Variants in TBX10 observed in about 807,000 individuals in gnomAD.
TBX10 encodes the protein T-box transcription factor 10, also known as T-box transcription factor TBX10.
Under a neutral mutation model 32.4 loss-of-function variants are expected in TBX10, and 26 were observed. That is an observed-to-expected ratio of 0.80 (90% confidence interval 0.59 to 1.11). TBX10 has a LOEUF of 1.11. TBX10 is among the 50% of genes most tolerant of loss of function. The probability of loss-of-function intolerance (pLI) is 0.00; values close to 1 mark genes in which losing one functional copy is unlikely to be tolerated. For synonymous variants in TBX10, 195 were observed against 203.1 expected (o/e 0.96, Z 0.34); for missense variants, 490 against 494.5 (o/e 0.99, Z 0.09).
At chr11:67,632,130 C>G (rs1551884) in intron 7 of TBX10, among the ~76,000 whole-genome samples, 188 bp downstream of exon 7, 42,023 of 152,144 alleles carry the variant, frequency 0.28, 6,288 homozygotes, top group Admixed American at 0.4. Context: ...CCTGGCACCC[C>G]CTGCCTGTGC....
intron 1 of TBX10, among the ~76,000 whole-genome samples, chr11:67,636,623 G>A (rs527999937): frequency 7.1e-4 from 108 of 151,704 alleles, no homozygotes; most frequent in African/African-American, 2.6e-3. Context: ...TCAGCCTCCC[G>A]AGTAGCTGGG....
upstream of TBX10, among the ~76,000 whole-genome samples, chr11:67,640,869 G>A (rs1855394835): frequency 6.6e-6 from 1 of 152,184 alleles, no homozygotes; most frequent in Non-Finnish European, 1.5e-5. Context: ...AATCCCTTGT[G>A]TCTCACATCT....
intron 4 of TBX10, 38 bp from the exon 5 acceptor site, chr11:67,633,141 G>T: frequency 6.3e-7 from 1 of 1,597,156 alleles, no homozygotes; most frequent in Non-Finnish European, 8.5e-7. Context: ...GGGGTGAGGC[G>T]GAGTACAGCG....
chr11:67,635,850 C>T (rs1012976066), intron 1 of TBX10, among the ~76,000 whole-genome samples: 3 of 152,100 alleles, frequency 2.0e-5, no homozygotes, highest in Non-Finnish European at 2.9e-5. Context: ...CCCATCCTAC[C>T]GTCTTTTTCT....
chr11:67,638,114 C>A (rs1855355311), intron 1 of TBX10, among the ~76,000 whole-genome samples: 2 of 152,016 alleles, frequency 1.3e-5, no homozygotes, highest in Non-Finnish European at 2.9e-5. Context: ...GGCTGAGACA[C>A]AAGTGTCGCT....
Position 67,632,614 on chromosome 11 carries a change from G to T in TBX10, c.762C>A (p.Asp254Glu), listed in dbSNP as rs1292812751. 6.2e-7 allele frequency: 1 copy of T among 1,613,942 alleles called. No individual in the cohort carries two copies. The highest frequency in any genetic ancestry group is 8.5e-7 in the Non-Finnish European group (1 of 1,180,020). ...NPFAKGFRES[D>E]LDSWPVAPRP... Reference sequence around the variant, plus strand: ...GGGTCAGACAGTACCAGGAGTCCAGGTCACTCTCTCTAAAGCCTTTGGCAA... The same window carrying T: ...GGGTCAGACAGTACCAGGAGTCCAGTTCACTCTCTCTAAAGCCTTTGGCAA... Residue 254 changes from aspartate to glutamate, a missense_variant, in exon 6 of 8, where the codon GAC becomes GAA. This residue lies in a region of TBX10 where 177 missense variants were observed against 176.6 expected (regional missense o/e 1.00). Coordinates refer to ENST00000335385, the MANE Select transcript of TBX10 (RefSeq NM_005995.5).
rs907118903 is a variant in TBX10 at position 67,634,958 on chromosome 11, C to A, written c.275+38G>T. 3.1e-6 allele frequency: 5 copies of A among 1,613,124 alleles called. No homozygotes were observed. In the East Asian group the frequency reaches 6.7e-5, roughly 22 times the overall value. ...GCTCAGCAGCCGGATGCGGCTCCAACCCTGGCCCCTGCCTCACCCCGCCCC... is the reference window on the plus strand; with the variant it reads ...GCTCAGCAGCCGGATGCGGCTCCAAACCTGGCCCCTGCCTCACCCCGCCCC... On this transcript the variant is annotated intron_variant, in intron 2 of 7. Transcript: ENST00000335385.
Position 67,639,583 on chromosome 11 carries a change from C to A in TBX10, c.-111G>T. On this transcript the variant is annotated 5_prime_UTR_variant, in exon 1 of 8. Transcript: ENST00000335385. ...CGTCCACTCGGCACCTCAGCTCAGC[C>A]CTCAGGTGCTCACACAAGCTGTAGT... 7.1e-7 allele frequency: 1 copy of A among 1,414,770 alleles called. No homozygotes were observed. The allele number at this position is 1,414,770 out of a possible 1,614,324, so 87.6% of individuals were successfully genotyped here.
At chr11:67,632,822 T>A in intron 5 of TBX10, 126 bp downstream of exon 5, 1 of 1,559,264 alleles carries the variant, frequency 6.4e-7, no homozygotes, top group Non-Finnish European at 8.8e-7. Flanking sequence ...CCTTGACTGA[T>A]GGCAGATACT....
intron 1 of TBX10, among the ~76,000 whole-genome samples, chr11:67,638,259 A>C (rs1032287050): frequency 2.0e-5 from 3 of 151,668 alleles, no homozygotes; most frequent in Admixed American, 6.6e-5. Context: ...AAAAAGGTTA[A>C]GATGGTAAAT....
At chr11:67,640,322 G>C (rs1174607458), upstream of TBX10, among the ~76,000 whole-genome samples, 3 of 152,230 alleles carry the variant, frequency 2.0e-5, no homozygotes, top group East Asian at 5.8e-4. Context: ...GTTAACCTAA[G>C]CACATAATCT....
intron 1 of TBX10, 64 bp downstream of exon 1, chr11:67,639,398 CCCTG>C: frequency 1.3e-6 from 1 of 778,294 alleles, no homozygotes; most frequent in Non-Finnish European, 2.2e-6. Context: ...TTGGTTCCCA[CCCTG>C]CCCACCCACC....
chr11:67,641,360 G>A (rs757268591), upstream of TBX10, among the ~76,000 whole-genome samples: 19 of 152,142 alleles, frequency 1.2e-4, no homozygotes, highest in Non-Finnish European at 2.6e-4. Flanking sequence ...CTGCTGACTC[G>A]CCACATGGCG....
At chr11:67,636,194 A>AT (rs1341629802) in intron 1 of TBX10, among the ~76,000 whole-genome samples, 2 of 145,910 alleles carry the variant, frequency 1.4e-5, no homozygotes, top group East Asian at 2.0e-4. Context: ...TGATCCTCCC[A>AT]TATCAGCCTT....
upstream of TBX10, among the ~76,000 whole-genome samples, chr11:67,640,094 G>A (rs1187774562): frequency 3.9e-5 from 6 of 152,114 alleles, no homozygotes; most frequent in African/African-American, 1.4e-4. Context: ...CCTGAGGCTG[G>A]CCCCAGCCGG....
At chr11:67,641,246 G>A (rs894263977), upstream of TBX10, among the ~76,000 whole-genome samples, 2 of 151,690 alleles carry the variant, frequency 1.3e-5, no homozygotes, top group African/African-American at 2.4e-5. Context: ...GTGTGTGTGC[G>A]ATTTTGATCT....
rs1340970154 is a variant in TBX10, at chr11:67,631,712, G to A, written c.1051C>T (p.Pro351Ser). 1 of 1,609,964 alleles carries A rather than the reference G, an allele frequency of 6.2e-7. No homozygotes were observed. The highest frequency in any genetic ancestry group is 2.2e-5 in the East Asian group (1 of 44,786). Residue 351 changes from proline to serine, a missense_variant, in exon 8 of 8, where the codon CCC becomes TCC. Physicochemically the swap from Pro to Ser is moderately conservative, Grantham distance 74 (BLOSUM62 -1). Coordinates refer to ENST00000335385, the MANE Select transcript of TBX10 (RefSeq NM_005995.5). Reference sequence around the variant, plus strand: ...TGATCCCTATCAGCCCGGATGTTGGGGAGGGGGTATGGTGCTGGTCGGGTC... The same window carrying A: ...TGATCCCTATCAGCCCGGATGTTGGAGAGGGGGTATGGTGCTGGTCGGGTC... ...PRTRPAPYPLPNIRADRDQGG... is the reference protein window; with the variant it reads ...PRTRPAPYPLSNIRADRDQGG...
rs763741544 is a variant in TBX10, at chr11:67,635,064, C to T, written c.207G>A (p.Leu69=). 6.2e-7 allele frequency: 1 copy of T among 1,613,900 alleles called. No individual in the cohort carries two copies. Among genetic ancestry groups the T allele is most frequent in the Non-Finnish European group, 8.5e-7 (1 of 1,180,040 alleles). The change falls in exon 2 of 8, where the codon CTG becomes CTA. Residue 69 remains leucine (L), a synonymous_variant. Transcript: ENST00000335385. ...NPRVSRVTVQ[L]EMKPLWEEFN... ...ATTCCTCCCACAGAGGCTTCATCTC[C>T]AGCTGAACTGTCACTCTGGACACAC...
intron 1 of TBX10, 61 bp downstream of exon 1, chr11:67,639,405 C>CCCCCCCCCCCCCGGA: frequency 9.3e-7 from 1 of 1,080,618 alleles, no homozygotes; most frequent in Admixed American, 1.7e-5. Context: ...CCACCCTGCC[C>CCCCCCCCCCCCCGGA]ACCCACCCTG....
Sources: allele counts gnomAD v4.1 joint callset (sites outside exome capture counted in the v4.1 genomes callset), GRCh38; gene constraint gnomAD v4.1.1; regional missense constraint gnomAD v4.1.1; transcripts MANE v1.5; gene names NCBI Gene and HGNC (gene_info 2026-07-23, HGNC 2026-07-21).